The following B3GLCT variants were observed in gnomAD, a reference collection of about 807,000 sequenced individuals.
B3GLCT encodes beta-1,3-glucosyltransferase.
A neutral mutation model predicts 63.4 loss-of-function variants in B3GLCT; 65 were observed. The ratio of observed to expected loss-of-function variants is 1.03; its 90% confidence interval spans 0.84 to 1.26. B3GLCT has a LOEUF of 1.26. Ranked by LOEUF, B3GLCT falls within the 50% of genes most tolerant of loss-of-function variation. B3GLCT has a pLI of 0.00. For synonymous variants in B3GLCT, 233 were observed against 219.2 expected (o/e 1.06, Z -0.55); for missense variants, 577 against 604.8 (o/e 0.95, Z 0.48).
At chr13:31,254,794 G>A (rs533939393) in intron 6 of B3GLCT, among the ~76,000 whole-genome samples, 1 of 152,284 alleles carries the variant, frequency 6.6e-6, no homozygotes, top group African/African-American at 2.4e-5. Flanking sequence ...ACTCACACCT[G>A]TAATCCCAGC....
chr13:31,294,328 C>G (rs1873827061), intron 12 of B3GLCT, among the ~76,000 whole-genome samples: 1 of 152,114 alleles, frequency 6.6e-6, no homozygotes, highest in Admixed American at 6.5e-5. Flanking sequence ...GTGGTGTTCT[C>G]TGTATTTCCT....
chr13:31,269,344 T>C (rs1872478009), intron 8 of B3GLCT, 67 bp downstream of exon 8: 2 of 1,170,650 alleles, frequency 1.7e-6, no homozygotes, highest in East Asian at 4.7e-5. Flanking sequence ...ATGTAAAAGG[T>C]ATTTTGCATT....
chr13:31,218,050 C>T (rs189155124), intron 2 of B3GLCT, among the ~76,000 whole-genome samples: 1 of 152,064 alleles, frequency 6.6e-6, no homozygotes, highest in Admixed American at 6.5e-5. Context: ...TTTATTCTTC[C>T]TATTCATGAA....
intron 7 of B3GLCT, 32 bp downstream of exon 7, chr13:31,261,114 G>A (rs750588447): frequency 3.6e-5 from 57 of 1,590,642 alleles, no homozygotes; most frequent in Admixed American, 3.1e-4. Flanking sequence ...TTCGGGGGGC[G>A]GGAGGGGTGT....
At chr13:31,279,282 G>A (rs760774356) in intron 10 of B3GLCT, among the ~76,000 whole-genome samples, 1 of 152,056 alleles carries the variant, frequency 6.6e-6, no homozygotes, top group Non-Finnish European at 1.5e-5. Context: ...ATGGTCTGGG[G>A]TGTTGGATTT....
At chr13:31,284,801 C>A in intron 11 of B3GLCT, 40 bp downstream of exon 11, 1 of 1,087,748 alleles carries the variant, frequency 9.2e-7, no homozygotes, top group Non-Finnish European at 1.4e-6. Context: ...TTAAACATTG[C>A]CATTCTGTAA....
chr13:31,254,968 C>T lies in B3GLCT; in HGVS notation c.460-5978C>T, dbSNP rs184211465. 1.4e-4 allele frequency among the ~76,000 whole-genome samples: 20 copies of T among 146,184 alleles called. No individual in the cohort carries two copies. In the East Asian group the frequency reaches 3.3e-3, roughly 24 times the overall value. ...AGGAGAATCGCTTGAAGCCGGGAGG[C>T]GGAGGTTGCAGTGAGCTGAGATGGC... On this transcript the variant is annotated intron_variant, in intron 6 of 14. Coordinates refer to ENST00000343307, the MANE Select transcript of B3GLCT (RefSeq NM_194318.4).
chr13:31,280,732 A>G (rs1309063496), intron 10 of B3GLCT, among the ~76,000 whole-genome samples: 1 of 152,238 alleles, frequency 6.6e-6, no homozygotes, highest in Non-Finnish European at 1.5e-5. Flanking sequence ...TGGCTTAACA[A>G]TAACACATTT....
At position 31,314,560 on chromosome 13, in the gene B3GLCT, A is replaced by T. The variant is rs191094936; in HGVS notation, c.1065-3006A>T. On this transcript the variant is annotated intron_variant, in intron 12 of 14. Transcript: ENST00000343307. ...AATTTCTCCTATTCAGAATGGCTGT[A>T]TTTACCCAATGCCTATACCCCCATT... Among the ~76,000 whole-genome samples the T allele has an allele frequency of 3.0e-4, 45 of 152,292 alleles. No individual in the cohort carries two copies. In the East Asian group the frequency reaches 7.9e-3, roughly 27 times the overall value.
chr13:31,211,965 A>G (rs1412977147), intron 1 of B3GLCT, among the ~76,000 whole-genome samples: 1 of 152,246 alleles, frequency 6.6e-6, no homozygotes, highest in Non-Finnish European at 1.5e-5. Context: ...GTGAGGTAAA[A>G]GCAAACACTG....
chr13:31,200,143 CCTG>C lies in B3GLCT; in HGVS notation c.62_64del (p.Cys21del), dbSNP rs1030644796. 4 of 1,358,338 alleles carry C rather than the reference CCTG, an allele frequency of 2.9e-6. No homozygotes were observed. The highest frequency in any genetic ancestry group is 3.6e-5 in the East Asian group (1 of 27,832). 84.1% of individuals were successfully genotyped at this position (1,358,338 alleles called of 1,614,324 possible). ...CCGCCGGCGCTGCTCGCGCTCCTCA[CCTG>C]CTCCCTGGGTAAGTAGCGGGCGGCC... On this transcript the variant is annotated inframe_deletion, in exon 1 of 15. Coordinates refer to ENST00000343307, the MANE Select transcript of B3GLCT (RefSeq NM_194318.4).
intron 4 of B3GLCT, among the ~76,000 whole-genome samples, chr13:31,244,289 C>T (rs1261591599): frequency 1.3e-5 from 2 of 152,022 alleles, no homozygotes; most frequent in East Asian, 1.9e-4. Flanking sequence ...ATCAGGAGTT[C>T]GAGACCAGCC....
At chr13:31,293,264 G>T (rs1308229561) in intron 12 of B3GLCT, among the ~76,000 whole-genome samples, 2 of 152,164 alleles carry the variant, frequency 1.3e-5, no homozygotes, top group Non-Finnish European at 2.9e-5. Flanking sequence ...GTGCTGTGAA[G>T]AATGTATATT....
intron 4 of B3GLCT, among the ~76,000 whole-genome samples, chr13:31,233,207 T>G (rs1291419094): frequency 6.6e-6 from 1 of 152,206 alleles, no homozygotes; most frequent in Non-Finnish European, 1.5e-5. Flanking sequence ...ACCTCCCTCT[T>G]ATTAAATATA....
Position 31,276,708 on chromosome 13 carries a change from C to A in B3GLCT, c.787C>A (p.Pro263Thr). The change falls in exon 10 of 15, where the codon CCA becomes ACA. Residue 263 changes from proline to threonine, a missense_variant. Transcript: ENST00000343307. ...FHSFLPLCRK[P>T]VKKKDIFVAV... is the part of the protein sequence containing the mutation. ...TTTCTTTTCTTTTTTTTAGAGAAAG[C>A]CAGTGAAGAAGAAGGATATTTTTGT... is the stretch of plus-strand genomic sequence containing the variant. The A allele has an allele frequency of 6.2e-7, 1 of 1,609,720 alleles. No homozygotes were observed. Among genetic ancestry groups the A allele is most frequent in the Non-Finnish European group, 8.5e-7 (1 of 1,176,686 alleles).
intron 12 of B3GLCT, chr13:31,311,469 A>C (rs1874705902): frequency 6.6e-6 from 1 of 152,276 alleles, no homozygotes; most frequent in African/African-American, 2.4e-5. Context: ...TGCTTTCCTG[A>C]GAGCAAGAGA....
At chr13:31,289,511 G>A (rs566463944) in intron 12 of B3GLCT, among the ~76,000 whole-genome samples, 2 of 152,152 alleles carry the variant, frequency 1.3e-5, no homozygotes, top group South Asian at 2.1e-4. Context: ...TTTAAAATTA[G>A]CAAGAGCAAA....
chr13:31,316,317 A>G (rs1875007095), intron 12 of B3GLCT, among the ~76,000 whole-genome samples: 1 of 149,940 alleles, frequency 6.7e-6, no homozygotes, highest in African/African-American at 2.4e-5. Context: ...CTGCAGAGCC[A>G]CAGGGGTGGG....
intron 12 of B3GLCT, among the ~76,000 whole-genome samples, chr13:31,288,369 A>G (rs1511576): frequency 0.93 from 141,587 of 152,254 alleles, 66,509 homozygotes; most frequent in East Asian, 1. Context: ...GGGGCTAACA[A>G]CTTGTCCACA....
Sources: allele counts gnomAD v4.1 joint callset (sites outside exome capture counted in the v4.1 genomes callset), GRCh38; gene constraint gnomAD v4.1.1; transcripts MANE v1.5; gene names NCBI Gene and HGNC (gene_info 2026-07-23, HGNC 2026-07-21).